APBB1IP: variants seen among roughly 807,000 people sequenced by gnomAD.
The protein encoded by APBB1IP is amyloid beta A4 precursor protein-binding family B member 1-interacting protein.
APBB1IP carries 27 observed loss-of-function variants against 64.9 expected under a neutral mutation model. The ratio of observed to expected loss-of-function variants is 0.42; its 90% CI spans 0.31 to 0.57. The LOEUF (loss-of-function observed/expected upper bound fraction) is 0.57, where lower values mean the gene tolerates loss of function less well. Ranked by LOEUF, APBB1IP falls within the 20% of genes least tolerant of loss-of-function variation. The pLI, the probability that APBB1IP is intolerant of heterozygous loss-of-function variation, is 0.20. For synonymous variants in APBB1IP, 392 were observed against 331.0 expected, an observed-to-expected ratio of 1.18 and a Z score of -2.00; for missense variants, 812 against 845.5, an observed-to-expected ratio of 0.96 and a Z score of 0.49.
chr10:26,534,730 C>T (rs1202478264), intron 9 of APBB1IP, among the ~76,000 whole-genome samples: 2 of 152,198 alleles, frequency 1.3e-5, no homozygotes, highest in African/African-American at 4.8e-5. Context: ...TGCCTGGGAG[C>T]ATGAGCACAG....
chr10:26,495,013 C>CT (rs536538794), intron 3 of APBB1IP, among the ~76,000 whole-genome samples: 11,630 of 140,252 alleles, frequency 0.083, 1,348 homozygotes, highest in African/African-American at 0.26. Context: ...CTTTCTTTTT[C>CT]TTTTTTTTTT....
intron 2 of APBB1IP, among the ~76,000 whole-genome samples, chr10:26,448,506 C>T (rs1408895598): frequency 6.6e-6 from 1 of 152,150 alleles, no homozygotes; most frequent in Non-Finnish European, 1.5e-5. Flanking sequence ...GAGATAAATT[C>T]ACAAATATTG....
At chr10:26,510,799 T>C (rs899038346) in intron 6 of APBB1IP, among the ~76,000 whole-genome samples, 3 of 151,452 alleles carry the variant, frequency 2.0e-5, no homozygotes, top group African/African-American at 7.3e-5. Context: ...ATTTATCATG[T>C]GCCTGCAAAA....
intron 11 of APBB1IP, among the ~76,000 whole-genome samples, chr10:26,546,845 C>T (rs919922648): frequency 6.6e-6 from 1 of 152,168 alleles, no homozygotes; most frequent in African/African-American, 2.4e-5. Flanking sequence ...GTGAACAGTG[C>T]TGCAATAAAC....
At chr10:26,506,263 T>TG (rs1836177600) in intron 6 of APBB1IP, among the ~76,000 whole-genome samples, 2 of 52,582 alleles carry the variant, frequency 3.8e-5, no homozygotes, top group Admixed American at 2.0e-4. Context: ...GGGGGGGGGG[T>TG]GGGGGGCAAG....
chr10:26,543,139 C>T (rs997715071), intron 11 of APBB1IP, among the ~76,000 whole-genome samples: 2 of 151,524 alleles, frequency 1.3e-5, no homozygotes, highest in African/African-American at 4.9e-5. Context: ...AGGCTGGATC[C>T]GTTCACTCAC....
At chr10:26,530,851 A>T (rs1278083189) in intron 8 of APBB1IP, among the ~76,000 whole-genome samples, 1 of 152,166 alleles carries the variant, frequency 6.6e-6, no homozygotes, top group Non-Finnish European at 1.5e-5. Flanking sequence ...GTAAAGCCTT[A>T]GCATAGGTTT....
intron 4 of APBB1IP, among the ~76,000 whole-genome samples, chr10:26,499,635 A>T (rs1836071952): frequency 6.6e-6 from 1 of 152,030 alleles, no homozygotes; most frequent in South Asian, 2.1e-4. Flanking sequence ...ATGCCTGATC[A>T]TCAAAGTACT....
intron 2 of APBB1IP, among the ~76,000 whole-genome samples, chr10:26,474,256 T>A (rs753645937): frequency 6.6e-6 from 1 of 152,330 alleles, no homozygotes; most frequent in Non-Finnish European, 1.5e-5. Flanking sequence ...GCCTGGAATT[T>A]GTGCTCTGCC....
intron 2 of APBB1IP, among the ~76,000 whole-genome samples, chr10:26,475,697 C>A (rs539596808): frequency 6.6e-6 from 1 of 152,150 alleles, no homozygotes; most frequent in African/African-American, 2.4e-5. Flanking sequence ...ATATTATCTA[C>A]CCCCACATGG....
chr10:26,564,549 T>A (rs1203816319), intron 14 of APBB1IP, among the ~76,000 whole-genome samples: 1 of 152,328 alleles, frequency 6.6e-6, no homozygotes, highest in East Asian at 1.9e-4. Flanking sequence ...ACGCCTGTAA[T>A]TCCAACACTT....
intron 3 of APBB1IP, among the ~76,000 whole-genome samples, chr10:26,495,062 C>A (rs984143051): frequency 1.3e-5 from 2 of 150,054 alleles, no homozygotes; most frequent in African/African-American, 4.9e-5. Flanking sequence ...GGCTGGAGTG[C>A]AGTGGCAAGA....
chr10:26,463,626 G>T (rs895355055), intron 2 of APBB1IP, among the ~76,000 whole-genome samples: 2 of 152,038 alleles, frequency 1.3e-5, no homozygotes, highest in Non-Finnish European at 2.9e-5. Context: ...GAATCAATGA[G>T]GTATTTTTTC....
intron 2 of APBB1IP, among the ~76,000 whole-genome samples, chr10:26,485,468 A>C (rs771030786): frequency 2.6e-5 from 4 of 152,216 alleles, no homozygotes; most frequent in Admixed American, 1.3e-4. Context: ...CCAACGACGC[A>C]TTTCTGAACA....
chr10:26,551,318 T>A (rs1056586870), intron 11 of APBB1IP, among the ~76,000 whole-genome samples: 59 of 152,232 alleles, frequency 3.9e-4, no homozygotes, highest in Admixed American at 5.2e-4. Flanking sequence ...GTAAGAAACC[T>A]GAGTGTGAGT....
At chr10:26,464,377 C>G (rs1835625922) in intron 2 of APBB1IP, among the ~76,000 whole-genome samples, 1 of 152,138 alleles carries the variant, frequency 6.6e-6, no homozygotes, top group Non-Finnish European at 1.5e-5. Context: ...CCTGACTGTG[C>G]TCATTTAGTC....
intron 8 of APBB1IP, among the ~76,000 whole-genome samples, chr10:26,526,576 G>A (rs116884667): frequency 0.044 from 6,622 of 152,040 alleles, 147 homozygotes; most frequent in South Asian, 0.079. Flanking sequence ...AAAACAAGTC[G>A]TGCATGGCGG....
At chr10:26,527,328 C>T (rs1309238913) in intron 8 of APBB1IP, among the ~76,000 whole-genome samples, 1 of 152,076 alleles carries the variant, frequency 6.6e-6, no homozygotes, top group Non-Finnish European at 1.5e-5. Flanking sequence ...AGGAGGATCA[C>T]TTGAAATCTG....
chr10:26,561,434 G>A (rs1399537722), intron 13 of APBB1IP, among the ~76,000 whole-genome samples: 1 of 148,290 alleles, frequency 6.7e-6, no homozygotes, highest in Non-Finnish European at 1.5e-5. Flanking sequence ...TGTCACCCAG[G>A]CTGGAGCCCT....
Sources: gnomAD v4.1 joint callset for allele counts (sites outside exome capture counted in the v4.1 genomes callset) on GRCh38, gnomAD v4.1.1 for gene constraint, MANE v1.5 for transcripts, NCBI Gene and HGNC (gene_info 2026-07-23, HGNC 2026-07-21) for gene names.